SHISA6: variants seen among roughly 807,000 people sequenced by gnomAD.
SHISA6 encodes the protein shisa family member 6.
Under a neutral mutation model 47.9 loss-of-function variants are expected in SHISA6, and 22 were observed. The ratio of observed to expected loss-of-function variants is 0.46; its 90% CI spans 0.33 to 0.66. The LOEUF (loss-of-function observed/expected upper bound fraction) is 0.66. Ranked by LOEUF, SHISA6 falls within the 30% of genes least tolerant of loss-of-function variation. SHISA6 has a pLI of 0.02. For synonymous variants in SHISA6, 388 were observed against 337.8 expected, an observed-to-expected ratio of 1.15 and a Z score of -1.63; for missense variants, 680 against 764.6, an observed-to-expected ratio of 0.89 and a Z score of 1.30.
chr17:11,382,359 T>C (rs1179021290), intron 3 of SHISA6, among the ~76,000 whole-genome samples: 1 of 152,144 alleles, frequency 6.6e-6, no homozygotes, highest in African/African-American at 2.4e-5. Flanking sequence ...GTTTATGGGA[T>C]TGAGTCACTA....
At chr17:11,312,846 A>G (rs1225529611) in intron 2 of SHISA6, among the ~76,000 whole-genome samples, 1 of 152,168 alleles carries the variant, frequency 6.6e-6, no homozygotes, top group African/African-American at 2.4e-5. Flanking sequence ...AACAATATAT[A>G]TTCTCCTTGT....
At chr17:11,388,080 C>T (rs936698863) in intron 3 of SHISA6, among the ~76,000 whole-genome samples, 1 of 152,104 alleles carries the variant, frequency 6.6e-6, no homozygotes, top group Non-Finnish European at 1.5e-5. Flanking sequence ...GGGCAAGAAC[C>T]CCAGACCAAC....
chr17:11,455,569 A>T (rs1350179216), intron 3 of SHISA6, among the ~76,000 whole-genome samples: 1 of 152,132 alleles, frequency 6.6e-6, no homozygotes, highest in Non-Finnish European at 1.5e-5. Context: ...ACAAGCGTGG[A>T]GAGCGTCACA....
rs182906343 is a variant in SHISA6 at position 11,453,545 on chromosome 17, C to A, written c.895+74036C>A. Reference sequence around the variant, plus strand: ...TCCCCCACTATTTCACCAATCTGTGCCTTCTCCCATCTTACCCATCACAGA... The same window carrying A: ...TCCCCCACTATTTCACCAATCTGTGACTTCTCCCATCTTACCCATCACAGA... On this transcript the variant is annotated intron_variant, in intron 3 of 5. Coordinates refer to ENST00000441885, the MANE Select transcript of SHISA6 (RefSeq NM_207386.4). Among the ~76,000 whole-genome samples the A allele has an allele frequency of 1.1e-4, 17 of 152,314 alleles. No homozygotes were observed. In the East Asian group the frequency reaches 3.3e-3, roughly 29 times the overall value.
intron 3 of SHISA6, among the ~76,000 whole-genome samples, chr17:11,403,087 A>T (rs1357017970): frequency 2.0e-5 from 3 of 152,186 alleles, no homozygotes; most frequent in Non-Finnish European, 2.9e-5. Flanking sequence ...CCCTTGAAAG[A>T]CCACATTTCT....
intron 2 of SHISA6, among the ~76,000 whole-genome samples, chr17:11,292,900 T>C (rs773851826): frequency 3.3e-5 from 5 of 150,942 alleles, no homozygotes; most frequent in Non-Finnish European, 7.4e-5. Context: ...TCTTGGCTCA[T>C]TGCAACCTCT....
intron 2 of SHISA6, among the ~76,000 whole-genome samples, chr17:11,330,516 A>AGAGAT (rs1597461240): frequency 2.0e-5 from 2 of 99,448 alleles, no homozygotes; most frequent in East Asian, 6.3e-4. Context: ...GAGAGAGAGA[A>AGAGAT]GATTATAGAT....
chr17:11,477,636 T>C (rs2142327266), intron 3 of SHISA6, among the ~76,000 whole-genome samples: 1 of 142,306 alleles, frequency 7.0e-6, no homozygotes, highest in South Asian at 2.3e-4. Flanking sequence ...GATCTCATTG[T>C]TCAATTCCCA....
At chr17:11,535,685 G>C (rs1306979443) in intron 3 of SHISA6, among the ~76,000 whole-genome samples, 1 of 152,194 alleles carries the variant, frequency 6.6e-6, no homozygotes, top group Admixed American at 6.5e-5. Flanking sequence ...CAGAGATCAA[G>C]AGCATCGTGT....
chr17:11,544,203 T>C (rs1303862958), intron 3 of SHISA6, among the ~76,000 whole-genome samples: 1 of 151,918 alleles, frequency 6.6e-6, no homozygotes, highest in Non-Finnish European at 1.5e-5. Context: ...TGTATAAAAT[T>C]TAAAAATTGA....
chr17:11,373,956 T>A (rs995053730), intron 2 of SHISA6, among the ~76,000 whole-genome samples: 1 of 152,200 alleles, frequency 6.6e-6, no homozygotes, highest in African/African-American at 2.4e-5. Context: ...ATATCCACAT[T>A]CAACTTTATT....
At chr17:11,359,889 A>C (rs1226101514) in intron 2 of SHISA6, among the ~76,000 whole-genome samples, 3 of 152,218 alleles carry the variant, frequency 2.0e-5, no homozygotes, top group Non-Finnish European at 2.9e-5. Context: ...TAGTTCAACC[A>C]TTGTGGAAGA....
At chr17:11,304,073 AT>A (rs1365414567) in intron 2 of SHISA6, among the ~76,000 whole-genome samples, 1 of 152,158 alleles carries the variant, frequency 6.6e-6, no homozygotes, top group Admixed American at 6.5e-5. Context: ...GCCTTCTAGG[AT>A]AGAAGCCCTT....
intron 2 of SHISA6, among the ~76,000 whole-genome samples, chr17:11,271,457 G>A (rs988806970): frequency 9.9e-5 from 15 of 152,056 alleles, no homozygotes; most frequent in African/African-American, 3.6e-4. Context: ...TTTATTTCGA[G>A]ATGGAGTTTC....
At chr17:11,540,881 A>T (rs1410784438) in intron 3 of SHISA6, among the ~76,000 whole-genome samples, 1 of 152,184 alleles carries the variant, frequency 6.6e-6, no homozygotes, top group East Asian at 1.9e-4. Flanking sequence ...AAGCAATGAG[A>T]TGCACAGCCA....
intron 3 of SHISA6, among the ~76,000 whole-genome samples, chr17:11,501,790 A>C (rs2071456106): frequency 6.6e-6 from 1 of 152,104 alleles, no homozygotes; most frequent in South Asian, 2.1e-4. Flanking sequence ...CACACTCCCC[A>C]GGGTGCCAGT....
chr17:11,537,950 T>G (rs1338452823), intron 3 of SHISA6, among the ~76,000 whole-genome samples: 1 of 152,196 alleles, frequency 6.6e-6, no homozygotes, highest in African/African-American at 2.4e-5. Flanking sequence ...GCACCAAAAA[T>G]GAATGACAGT....
rs368726674 is a variant in SHISA6, at chr17:11,429,040, C to T, written c.895+49531C>T. ...TCCTGACCCCGTGATCCGCCTGCCT[C>T]GGCCTCCCAAAGTGCTAGGATTACA... On this transcript the variant is annotated intron_variant, in intron 3 of 5. Transcript: ENST00000441885. Among the ~76,000 whole-genome samples the T allele has an allele frequency of 2.3e-3, 346 of 152,182 alleles. 2 individuals are homozygous for T. The highest frequency in any genetic ancestry group is 6.5e-3 in the African/African-American group (268 of 41,534).
At chr17:11,360,798 TAA>T (rs367867682) in intron 2 of SHISA6, among the ~76,000 whole-genome samples, 20 of 137,388 alleles carry the variant, frequency 1.5e-4, no homozygotes, top group Admixed American at 2.9e-4. Flanking sequence ...AAAGTAAAAT[TAA>T]AAAAAAAAAA....
Sources: gnomAD v4.1 joint callset for allele counts (sites outside exome capture counted in the v4.1 genomes callset) on GRCh38, gnomAD v4.1.1 for gene constraint, MANE v1.5 for transcripts, NCBI Gene and HGNC (gene_info 2026-07-23, HGNC 2026-07-21) for gene names.